The following FBXO42 variants were observed in gnomAD, a reference collection of about 807,000 sequenced individuals.
FBXO42 encodes F-box only protein 42.
A neutral mutation model predicts 71.7 loss-of-function variants in FBXO42; 12 were observed. The observed-to-expected ratio is 0.17, with a 90% confidence interval of 0.11 to 0.27. The LOEUF (loss-of-function observed/expected upper bound fraction) is 0.27. Among genes scored for constraint, FBXO42 ranks in the 10% least tolerant of loss-of-function variants. FBXO42 has a pLI of 1.00. For missense variants in FBXO42, 707 were observed against 911.9 expected, an observed-to-expected ratio of 0.78 and a Z score of 2.89; for synonymous variants, 325 against 327.5, an observed-to-expected ratio of 0.99 and a Z score of 0.08.
intron 1 of FBXO42, among the ~76,000 whole-genome samples, chr1:16,347,015 GATTAT>G (rs2082659407): frequency 6.6e-6 from 1 of 151,698 alleles, no homozygotes; most frequent in Non-Finnish European, 1.5e-5. Flanking sequence ...ACAGTGCTGG[GATTAT>G]AGGCATGAGC....
At chr1:16,254,150 C>G (rs940243823) in intron 6 of FBXO42, among the ~76,000 whole-genome samples, 1 of 152,210 alleles carries the variant, frequency 6.6e-6, no homozygotes, top group Non-Finnish European at 1.5e-5. Context: ...CCTCCCTCTG[C>G]TCTTTCCACG....
At chr1:16,311,037 T>C (rs1470431187) in intron 2 of FBXO42, among the ~76,000 whole-genome samples, 1 of 145,098 alleles carries the variant, frequency 6.9e-6, no homozygotes, top group East Asian at 2.0e-4. Context: ...AATTAAAAAA[T>C]GGGTCAACGC....
Position 16,325,951 on chromosome 1 carries a change from G to A in FBXO42, c.-17-10516C>T, listed in dbSNP as rs1197741501. 5.3e-5 allele frequency among the ~76,000 whole-genome samples: 8 copies of A among 150,818 alleles called. No individual in the cohort carries two copies. The East Asian group carries it at 7.9e-4, about 15-fold the overall frequency. On this transcript the variant is annotated intron_variant, in intron 1 of 9. Transcript: ENST00000375592. Reference sequence around the variant, plus strand: ...GAAAATTTCATATGGAGAACCATACGTTTTAAATTCAGCAAAATGCTTTAT... The same window carrying A: ...GAAAATTTCATATGGAGAACCATACATTTTAAATTCAGCAAAATGCTTTAT...
intron 3 of FBXO42, among the ~76,000 whole-genome samples, chr1:16,298,802 G>A (rs895215376): frequency 6.6e-6 from 1 of 151,494 alleles, no homozygotes; most frequent in East Asian, 2.0e-4. Context: ...GAGCCACCGC[G>A]CCCGGCCAAT....
intron 4 of FBXO42, chr1:16,294,411 C>T: frequency 4.9e-6 from 1 of 203,804 alleles, no homozygotes; most frequent in Non-Finnish European, 1.0e-5. Flanking sequence ...ATTCAGAGAC[C>T]TTAGCCCTAG....
At chr1:16,336,230 G>A (rs1462714213) in intron 1 of FBXO42, among the ~76,000 whole-genome samples, 6 of 150,748 alleles carry the variant, frequency 4.0e-5, no homozygotes, top group South Asian at 4.2e-4. Flanking sequence ...GAGCCACCGC[G>A]TCTGGCCTAA....
At chr1:16,284,955 G>A (rs2082006285) in intron 4 of FBXO42, among the ~76,000 whole-genome samples, 1 of 132,458 alleles carries the variant, frequency 7.5e-6, no homozygotes, top group African/African-American at 2.9e-5. Flanking sequence ...GGCAACAAGA[G>A]CAAAACTCTG....
intron 1 of FBXO42, among the ~76,000 whole-genome samples, chr1:16,345,354 C>T (rs1254822703): frequency 6.6e-6 from 1 of 151,756 alleles, no homozygotes; most frequent in Non-Finnish European, 1.5e-5. Context: ...ACCCAGGAGG[C>T]GGAGGTTGCA....
At chr1:16,281,868 G>A (rs1305905321) in intron 4 of FBXO42, among the ~76,000 whole-genome samples, 1 of 151,778 alleles carries the variant, frequency 6.6e-6, no homozygotes, top group Non-Finnish European at 1.5e-5. Flanking sequence ...TGCTGGCCAG[G>A]CTGTTCTCAA....
intron 4 of FBXO42, among the ~76,000 whole-genome samples, chr1:16,279,858 T>TC (rs2081943776): frequency 2.8e-5 from 4 of 145,078 alleles, no homozygotes; most frequent in Admixed American, 6.8e-5. Context: ...TTTTTTCTTT[T>TC]TTTTTTGAGA....
intron 3 of FBXO42, among the ~76,000 whole-genome samples, chr1:16,301,816 T>C (rs1412348792): frequency 6.6e-6 from 1 of 152,062 alleles, no homozygotes; most frequent in East Asian, 1.9e-4. Context: ...ATACATATAT[T>C]TTAATTTTAA....
At chr1:16,339,846 T>C (rs2082585602) in intron 1 of FBXO42, among the ~76,000 whole-genome samples, 1 of 152,198 alleles carries the variant, frequency 6.6e-6, no homozygotes, top group Non-Finnish European at 1.5e-5. Flanking sequence ...TCCCAGCTAC[T>C]TGTGAGTCTG....
chr1:16,319,906 A>G (rs1024374077), intron 1 of FBXO42, among the ~76,000 whole-genome samples: 1 of 151,298 alleles, frequency 6.6e-6, no homozygotes, highest in Non-Finnish European at 1.5e-5. Flanking sequence ...GTGAGACTCC[A>G]TCTTAAAAAA....
chr1:16,348,717 A>G (rs1390570764), intron 1 of FBXO42, among the ~76,000 whole-genome samples: 1 of 152,170 alleles, frequency 6.6e-6, no homozygotes, highest in Non-Finnish European at 1.5e-5. Context: ...ATAAAAAAGA[A>G]AAAGAAAGTT....
intron 1 of FBXO42, among the ~76,000 whole-genome samples, chr1:16,316,032 T>C (rs1464134939): frequency 6.6e-6 from 1 of 151,858 alleles, no homozygotes; most frequent in African/African-American, 2.4e-5. Context: ...TAGCTGGGCA[T>C]GGTGGCACAT....
At chr1:16,342,537 C>T (rs1424825226) in intron 1 of FBXO42, among the ~76,000 whole-genome samples, 4 of 149,220 alleles carry the variant, frequency 2.7e-5, no homozygotes, top group Non-Finnish European at 4.4e-5. Flanking sequence ...AAACCGTGAT[C>T]GCCCACTGCA....
chr1:16,272,126 G>C (rs1337752124), intron 4 of FBXO42, among the ~76,000 whole-genome samples: 2 of 133,992 alleles, frequency 1.5e-5, no homozygotes, highest in African/African-American at 5.6e-5. Flanking sequence ...CTGCACTCCA[G>C]CCTGGGGGAC....
intron 4 of FBXO42, among the ~76,000 whole-genome samples, chr1:16,270,434 A>G (rs67829531): frequency 0.35 from 52,993 of 151,938 alleles, 9,709 homozygotes; most frequent in African/African-American, 0.41. Context: ...ACGCTGAAGT[A>G]CTTAGGATTT....
intron 4 of FBXO42, among the ~76,000 whole-genome samples, chr1:16,265,264 T>C (rs997733452): frequency 6.6e-6 from 1 of 152,146 alleles, no homozygotes; most frequent in East Asian, 1.9e-4. Context: ...GCTAATTTTG[T>C]ATTTTTAGTA....
Sources: allele counts gnomAD v4.1 joint callset (sites outside exome capture counted in the v4.1 genomes callset), GRCh38; gene constraint gnomAD v4.1.1; transcripts MANE v1.5; gene names NCBI Gene and HGNC (gene_info 2026-07-23, HGNC 2026-07-21).